Variants in SUPT3H observed in about 807,000 individuals in gnomAD.
The protein encoded by SUPT3H is transcription initiation protein SPT3 homolog.
SUPT3H carries 44 observed loss-of-function variants against 44.3 expected under a neutral mutation model. The ratio of observed to expected loss-of-function variants is 0.99; its 90% CI spans 0.78 to 1.28. The LOEUF (loss-of-function observed/expected upper bound fraction) is 1.28, where lower values mean the gene tolerates loss of function less well. Ranked by LOEUF, SUPT3H falls within the 50% of genes most tolerant of loss-of-function variation. The pLI is 0.00. For missense variants in SUPT3H, 380 were observed against 387.1 expected (o/e 0.98, Z 0.15); for synonymous variants, 124 against 125.6 (o/e 0.99, Z 0.09).
intron 2 of SUPT3H, among the ~76,000 whole-genome samples, chr6:45,347,634 T>G (rs1180870927): frequency 6.6e-6 from 1 of 152,132 alleles, no homozygotes; most frequent in Non-Finnish European, 1.5e-5. Flanking sequence ...CAAGGGAATA[T>G]GCACATGACA....
chr6:44,818,435 C>G (rs897525057), intron 11 of SUPT3H, among the ~76,000 whole-genome samples: 1 of 152,004 alleles, frequency 6.6e-6, no homozygotes, highest in Admixed American at 6.6e-5. Context: ...ATAAGACATA[C>G]AGTATAAGCC....
chr6:45,244,553 T>C (rs1296055595), intron 2 of SUPT3H, among the ~76,000 whole-genome samples: 2 of 152,176 alleles, frequency 1.3e-5, no homozygotes, highest in African/African-American at 4.8e-5. Context: ...TGAAAACTGG[T>C]GCTGTCCACA....
At chr6:45,096,667 T>G (rs1037691681) in intron 3 of SUPT3H, among the ~76,000 whole-genome samples, 4 of 152,190 alleles carry the variant, frequency 2.6e-5, no homozygotes, top group Admixed American at 1.3e-4. Context: ...TTGCCAGTCT[T>G]ATGGTAGTAT....
At chr6:45,300,520 A>AG (rs1287243056) in intron 2 of SUPT3H, among the ~76,000 whole-genome samples, 2 of 152,238 alleles carry the variant, frequency 1.3e-5, no homozygotes, top group Non-Finnish European at 2.9e-5. Context: ...ACAGCTGGCA[A>AG]GTACTTCAGT....
At chr6:45,211,775 G>A (rs188676126) in intron 2 of SUPT3H, among the ~76,000 whole-genome samples, 43 of 152,176 alleles carry the variant, frequency 2.8e-4, no homozygotes, top group African/African-American at 8.7e-4. Context: ...CTTGAATCCC[G>A]GAGGCGGACG....
At chr6:45,288,898 G>A (rs1456936055) in intron 2 of SUPT3H, among the ~76,000 whole-genome samples, 5 of 151,730 alleles carry the variant, frequency 3.3e-5, no homozygotes, top group African/African-American at 1.2e-4. Flanking sequence ...CCCTTCCACT[G>A]ACTCAGTTTT....
At chr6:44,947,621 A>C (rs1255539135) in intron 9 of SUPT3H, among the ~76,000 whole-genome samples, 1 of 152,178 alleles carries the variant, frequency 6.6e-6, no homozygotes, top group Non-Finnish European at 1.5e-5. Flanking sequence ...AATGCGAAGA[A>C]CACAGCATGT....
At chr6:45,076,502 G>GAAA (rs11411267) in intron 3 of SUPT3H, among the ~76,000 whole-genome samples, 1 of 142,854 alleles carries the variant, frequency 7.0e-6, no homozygotes. Flanking sequence ...ACTACAAGAA[G>GAAA]AAAAAAAAAA....
At chr6:45,141,972 G>C (rs1015296385) in intron 2 of SUPT3H, among the ~76,000 whole-genome samples, 3 of 152,144 alleles carry the variant, frequency 2.0e-5, no homozygotes, top group Non-Finnish European at 2.9e-5. Context: ...ACAAAGGAAA[G>C]AATCTTAAGA....
chr6:45,341,360 T>C (rs912284284), intron 2 of SUPT3H, among the ~76,000 whole-genome samples: 7 of 152,190 alleles, frequency 4.6e-5, no homozygotes, highest in African/African-American at 2.4e-5. Flanking sequence ...AAAAGCTGTT[T>C]GGGGATCTAT....
intron 2 of SUPT3H, among the ~76,000 whole-genome samples, chr6:45,119,998 C>T (rs994232169): frequency 2.0e-5 from 3 of 151,962 alleles, no homozygotes; most frequent in Admixed American, 6.6e-5. Context: ...TTACTGTTTG[C>T]TAGACACCAC....
chr6:45,116,510 C>T (rs1800865245), intron 2 of SUPT3H, among the ~76,000 whole-genome samples: 1 of 152,108 alleles, frequency 6.6e-6, no homozygotes, highest in African/African-American at 2.4e-5. Flanking sequence ...ATGCCTGTCC[C>T]TCTGCATCTT....
chr6:45,153,610 C>T (rs755177724), intron 2 of SUPT3H, among the ~76,000 whole-genome samples: 1 of 152,178 alleles, frequency 6.6e-6, no homozygotes, highest in East Asian at 1.9e-4. Flanking sequence ...GTGGCCCACA[C>T]CTGTAATCCC....
chr6:44,998,811 G>A (rs1345505541), intron 6 of SUPT3H, among the ~76,000 whole-genome samples: 3 of 151,266 alleles, frequency 2.0e-5, no homozygotes, highest in Non-Finnish European at 4.4e-5. Context: ...CTATTTTATT[G>A]TAAAATTTCT....
At position 45,174,050 on chromosome 6, in the gene SUPT3H, G is replaced by A. The variant is rs190662464; in HGVS notation, c.102-68044C>T. ...CTCACCCAGTAATTCTTTCATTCAG[G>A]GATAAATAGAATCCACCTGACTCTA... On this transcript the variant is annotated intron_variant, in intron 2 of 10. Coordinates refer to ENST00000371459, the MANE Select transcript of SUPT3H (RefSeq NM_003599.4). 2.8e-4 allele frequency among the ~76,000 whole-genome samples: 42 copies of A among 152,228 alleles called. No individual in the cohort carries two copies. In the East Asian group the frequency reaches 6.8e-3, roughly 24 times the overall value.
chr6:45,202,918 G>A lies in SUPT3H; in HGVS notation c.102-96912C>T, dbSNP rs150921460. Among the ~76,000 whole-genome samples, 897 of 151,768 alleles carry A rather than the reference G, an allele frequency of 5.9e-3. 5 individuals carry two copies. The highest frequency in any genetic ancestry group is 0.019 in the African/African-American group (802 of 41,438). On this transcript the variant is annotated intron_variant, in intron 2 of 10. Transcript: ENST00000371459. ...ATCCTACAAATGTATGTGTGTGTGT[G>A]TATATATATATAAATCACTAGAGAT...
chr6:45,226,980 G>C (rs781317653), intron 2 of SUPT3H, among the ~76,000 whole-genome samples: 2 of 151,264 alleles, frequency 1.3e-5, no homozygotes, highest in African/African-American at 2.4e-5. Flanking sequence ...CTGAATGACA[G>C]AGTGAGACCA....
rs558409007 is a variant in SUPT3H, at chr6:44,865,299, T to C, written c.913-35442A>G. Among the ~76,000 whole-genome samples the C allele has an allele frequency of 2.0e-5, 3 of 152,348 alleles. No homozygotes were observed. The South Asian group carries it at 6.2e-4, about 32-fold the overall frequency. On this transcript the variant is annotated intron_variant, in intron 10 of 10. Transcript: ENST00000371459. ...TTTCCTACATTTTCCTGTCTTCTTC[T>C]GAGCCCTCCAAACTGTTCCAACTTC... is the stretch of plus-strand genomic sequence containing the variant.
chr6:44,935,835 C>T (rs961105816), intron 9 of SUPT3H, among the ~76,000 whole-genome samples: 18 of 152,302 alleles, frequency 1.2e-4, no homozygotes, highest in African/African-American at 4.1e-4. Context: ...GAAAGTTATA[C>T]TGAAACTTAG....
Sources: allele counts gnomAD v4.1 joint callset (sites outside exome capture counted in the v4.1 genomes callset), GRCh38; gene constraint gnomAD v4.1.1; transcripts MANE v1.5; gene names NCBI Gene and HGNC (gene_info 2026-07-23, HGNC 2026-07-21).